The following TRHDE variants were observed in gnomAD, a reference collection of about 807,000 sequenced individuals.
TRHDE encodes thyrotropin-releasing hormone-degrading ectoenzyme.
In TRHDE, 72 loss-of-function variants were observed where a neutral mutation model predicts 125.7. The ratio of observed to expected loss-of-function variants is 0.57; its 90% CI spans 0.47 to 0.70. TRHDE has a LOEUF of 0.70. Among genes scored for constraint, TRHDE ranks in the 30% least tolerant of loss-of-function variants. TRHDE has a pLI of 0.00. For missense variants in TRHDE, 1,110 were observed against 1,327.1 expected (o/e 0.84, Z 2.54); for synonymous variants, 509 against 509.1 (o/e 1.00, Z 0.00).
In TRHDE at chr12:72,576,849, A is replaced by G. The variant is rs190777890; in HGVS notation, c.2321+1307A>G. On this transcript the variant is annotated intron_variant, in intron 12 of 18. Coordinates refer to ENST00000261180, the MANE Select transcript of TRHDE (RefSeq NM_013381.3). ...AGGACAACTTATCAACAACGTGGAA[A>G]TTGCTAATGAAATTGTACCAATTAA... Among the ~76,000 whole-genome samples the G allele has an allele frequency of 5.9e-5, 9 of 152,292 alleles. No individual in the cohort carries two copies. The East Asian group carries it at 1.7e-3, about 29-fold the overall frequency.
chr12:72,298,312 T>C (rs1880380167), intron 2 of TRHDE, among the ~76,000 whole-genome samples: 1 of 152,204 alleles, frequency 6.6e-6, no homozygotes, highest in South Asian at 2.1e-4. Context: ...CTGGCTGTGA[T>C]CTTCCTTCCC....
At position 72,651,873 on chromosome 12, in the gene TRHDE, A is replaced by C. The variant is rs1364756520; in HGVS notation, c.2676-449A>C. Among the ~76,000 whole-genome samples the C allele has an allele frequency of 2.0e-5, 3 of 152,068 alleles. No individual in the cohort carries two copies. The East Asian group carries it at 5.8e-4, about 29-fold the overall frequency. On this transcript the variant is annotated intron_variant, in intron 15 of 18. Transcript: ENST00000261180. ...TGCTTGAGAAAATTACTGATAGAGA[A>C]AGTTATCTAAGAATTTAAGAGAAAA...
chr12:72,343,761 A>G (rs908558163), intron 2 of TRHDE, among the ~76,000 whole-genome samples: 5 of 152,128 alleles, frequency 3.3e-5, no homozygotes, highest in African/African-American at 2.4e-5. Context: ...AACTTAAAAG[A>G]TATAAAGGAA....
chr12:72,585,925 C>T (rs560407276), intron 12 of TRHDE, among the ~76,000 whole-genome samples: 1 of 152,110 alleles, frequency 6.6e-6, no homozygotes, highest in Non-Finnish European at 1.5e-5. Context: ...GGTACTAATA[C>T]AGGCTTTATG....
At chr12:72,182,483 G>C (rs1034030991) in intron 2 of TRHDE, among the ~76,000 whole-genome samples, 1 of 152,182 alleles carries the variant, frequency 6.6e-6, no homozygotes, top group East Asian at 1.9e-4. Flanking sequence ...AAAATCACCT[G>C]GACTCAGGAC....
chr12:72,469,835 C>G lies in TRHDE; in HGVS notation c.1393C>G (p.Leu465Val). 1 of 1,614,030 alleles carries G rather than the reference C, an allele frequency of 6.2e-7. No individual in the cohort carries two copies. The highest frequency in any genetic ancestry group is 8.5e-7 in the Non-Finnish European group (1 of 1,179,930). Residue 465 changes from leucine to valine, a missense_variant, in exon 4 of 19, where the codon CTG becomes GTG. Coordinates refer to ENST00000261180, the MANE Select transcript of TRHDE (RefSeq NM_013381.3). ...AAGTATTTTTGTGGAACAAAGAATA[C>G]TGCTGGATCCCAGTGTTTCATCTAT... The part of the protein sequence containing the change: ...GLSIFVEQRI[L>V]LDPSVSSISY...
intron 2 of TRHDE, among the ~76,000 whole-genome samples, chr12:72,213,958 C>T (rs148202479): frequency 2.0e-3 from 309 of 152,054 alleles, no homozygotes; most frequent in Middle Eastern, 0.014. Flanking sequence ...ACACAAGCTG[C>T]AAAGTGAATG....
rs1870251392 is a variant in TRHDE, at chr12:72,562,934, A to G, written c.1936A>G (p.Thr646Ala). 6.2e-7 allele frequency: 1 copy of G among 1,609,954 alleles called. No homozygotes were observed. The highest frequency in any genetic ancestry group is 1.3e-5 in the African/African-American group (1 of 74,860). Residue 646 changes from threonine (T) to alanine (A), a missense_variant, in exon 9 of 19, where the codon ACC (threonine) becomes GCC (alanine). Thr to Ala is a moderately conservative substitution (Grantham distance 58, BLOSUM62 0). Transcript: ENST00000261180. ...ACTCCAGATGGGTTATCCTGTTATC[A>G]CCATCTTGGGAAACACAACAGCAGA... ...WTLQMGYPVI[T>A]ILGNTTAENR...
At chr12:72,149,172 A>C (rs1876298891) in intron 2 of TRHDE, among the ~76,000 whole-genome samples, 1 of 152,088 alleles carries the variant, frequency 6.6e-6, no homozygotes, top group African/African-American at 2.4e-5. Context: ...CCTGACTGCG[A>C]GGAGTCCAAT....
rs539195308 is a variant in TRHDE, at chr12:72,105,039, G to T, written n.175-609G>T. ...GGAGAGGGCTTTTCTTCTCCATCAAGTGTGAAGTACTTCAAGGAGGGACTA... is the reference window on the plus strand; with the variant it reads ...GGAGAGGGCTTTTCTTCTCCATCAATTGTGAAGTACTTCAAGGAGGGACTA... On this transcript the variant is annotated intron_variant and non_coding_transcript_variant, in intron 1 of 4. Coordinates refer to the TRHDE transcript ENST00000548156. Among the ~76,000 whole-genome samples the T allele has an allele frequency of 5.8e-4, 88 of 152,256 alleles. 1 individual carries two copies. Among genetic ancestry groups the T allele is most frequent in the African/African-American group, 2.0e-3 (85 of 41,548 alleles).
intron 2 of TRHDE, chr12:72,257,642 G>C (rs961872953): frequency 3.9e-5 from 6 of 152,080 alleles, no homozygotes; most frequent in African/African-American, 1.4e-4. Context: ...TAGAAAATCT[G>C]GTGGTTTCTG....
At chr12:72,328,237 C>T (rs1484545476) in intron 2 of TRHDE, among the ~76,000 whole-genome samples, 1 of 152,100 alleles carries the variant, frequency 6.6e-6, no homozygotes, top group Non-Finnish European at 1.5e-5. Context: ...AAAGGTTCCC[C>T]TTGATAGGGT....
intron 2 of TRHDE, among the ~76,000 whole-genome samples, chr12:72,158,030 T>C (rs562631469): frequency 5.3e-5 from 8 of 152,214 alleles, no homozygotes; most frequent in Admixed American, 4.6e-4. Context: ...CAAATAGTGC[T>C]GGGGAGTCAT....
At chr12:72,120,899 C>T (rs1028457024) in intron 2 of TRHDE, among the ~76,000 whole-genome samples, 14 of 151,866 alleles carry the variant, frequency 9.2e-5, no homozygotes, top group Non-Finnish European at 1.5e-4. Context: ...AAAATGGTCT[C>T]GATCTCCTGA....
chr12:72,484,249 T>C (rs2135917273), intron 5 of TRHDE, among the ~76,000 whole-genome samples: 1 of 152,270 alleles, frequency 6.6e-6, no homozygotes, highest in South Asian at 2.1e-4. Flanking sequence ...GAAAAAAGAT[T>C]AGCCAATTTG....
At chr12:72,587,114 T>C (rs543420378) in intron 12 of TRHDE, among the ~76,000 whole-genome samples, 1 of 152,296 alleles carries the variant, frequency 6.6e-6, no homozygotes, top group Admixed American at 6.5e-5. Flanking sequence ...GAAATATTAC[T>C]TATCCTTTTT....
intron 2 of TRHDE, among the ~76,000 whole-genome samples, chr12:72,165,017 G>T (rs539249966): frequency 6.6e-5 from 10 of 152,258 alleles, no homozygotes; most frequent in Non-Finnish European, 1.3e-4. Context: ...GTGGTTTATT[G>T]ATCTTGGGGC....
At chr12:72,249,848 A>C (rs1167552286) in intron 2 of TRHDE, among the ~76,000 whole-genome samples, 1 of 152,212 alleles carries the variant, frequency 6.6e-6, no homozygotes, top group Non-Finnish European at 1.5e-5. Context: ...ATACATGAAT[A>C]TTCATATCAG....
intron 5 of TRHDE, among the ~76,000 whole-genome samples, chr12:72,479,759 C>G (rs1442216083): frequency 6.7e-6 from 1 of 149,622 alleles, no homozygotes; most frequent in Non-Finnish European, 1.5e-5. Flanking sequence ...TGTGCTGCAC[C>G]CATTAACTCG....
Sources: allele counts gnomAD v4.1 joint callset (sites outside exome capture counted in the v4.1 genomes callset), GRCh38; gene constraint gnomAD v4.1.1; transcripts MANE v1.5; gene names NCBI Gene and HGNC (gene_info 2026-07-23, HGNC 2026-07-21).